ADAM32: variants seen among roughly 807,000 people sequenced by gnomAD.
ADAM32 encodes ADAM metallopeptidase domain 32.
In ADAM32, 89 loss-of-function variants were observed where a neutral mutation model predicts 114.9. The observed-to-expected ratio is 0.77, with a 90% CI of 0.65 to 0.92. The LOEUF is 0.92. Ranked by LOEUF, ADAM32 falls within the 40% of genes least tolerant of loss-of-function variation. ADAM32 has a pLI of 0.00. For synonymous variants in ADAM32, 285 were observed against 307.5 expected, an observed-to-expected ratio of 0.93 and a Z score of 0.77; for missense variants, 870 against 932.8, an observed-to-expected ratio of 0.93 and a Z score of 0.88.
chr8:39,147,170 C>A lies in ADAM32; in HGVS notation c.241C>A (p.Gln81Lys). The change falls in exon 4 of 25, where the codon CAA becomes AAA. Residue 81 changes from glutamine to lysine, a missense_variant. Gln to Lys is a moderately conservative substitution (Grantham distance 53). Transcript: ENST00000379907. ...ADNFMIYLYN[Q>K]GSMNTYSSDI... ...TAATTTTATGATCTATTTGTACAAT[C>A]AAGGATCTATGAATACTTATTCTTC... is the stretch of plus-strand genomic sequence containing the variant. The A allele has an allele frequency of 2.0e-6, 2 of 1,013,112 alleles. No homozygotes were observed. The highest frequency in any genetic ancestry group is 2.5e-5 in the South Asian group (1 of 39,632). 62.8% of individuals were successfully genotyped at this position (1,013,112 alleles called of 1,614,324 possible). A position where few individuals can be genotyped will look rare whatever the true frequency, so the allele number is the denominator to read the frequency against.
intron 14 of ADAM32, among the ~76,000 whole-genome samples, chr8:39,225,774 ACC>A (rs1809320745): frequency 7.4e-6 from 1 of 135,208 alleles, no homozygotes; most frequent in Admixed American, 8.1e-5. Context: ...CCTTTTTCCC[ACC>A]CATGGAGTAA....
At chr8:39,132,020 A>G (rs1461528638) in intron 2 of ADAM32, 4 of 292,044 alleles carry the variant, frequency 1.4e-5, no homozygotes, top group Non-Finnish European at 2.9e-5. Context: ...CAGCATCCTG[A>G]GTAGTTGGGA....
intron 17 of ADAM32, among the ~76,000 whole-genome samples, chr8:39,252,376 A>G (rs911747324): frequency 6.6e-6 from 1 of 151,574 alleles, no homozygotes; most frequent in South Asian, 2.1e-4. Flanking sequence ...ACAAATCAAA[A>G]CGGAAATTAG....
At chr8:39,204,323 G>T (rs1388371239) in intron 11 of ADAM32, among the ~76,000 whole-genome samples, 3 of 152,170 alleles carry the variant, frequency 2.0e-5, no homozygotes, top group Non-Finnish European at 4.4e-5. Context: ...TGGAGACTTT[G>T]TTCATTTCTT....
intron 10 of ADAM32, among the ~76,000 whole-genome samples, chr8:39,174,283 T>A (rs1222948494): frequency 6.6e-6 from 1 of 152,178 alleles, no homozygotes; most frequent in African/African-American, 2.4e-5. Flanking sequence ...AGGTGTGTGG[T>A]CTTATTTCTG....
chr8:39,158,154 G>A (rs544640947), intron 6 of ADAM32: 48 of 186,874 alleles, frequency 2.6e-4, no homozygotes, highest in Admixed American at 1.8e-4. Context: ...CCAGTTTCTC[G>A]GTCACAGTGC....
chr8:39,276,771 T>A (rs1248746357), intron 22 of ADAM32, among the ~76,000 whole-genome samples: 1 of 152,200 alleles, frequency 6.6e-6, no homozygotes, highest in Non-Finnish European at 1.5e-5. Context: ...ATTTTTATTA[T>A]CATGTCTGTT....
chr8:39,270,444 G>C (rs1333839504), intron 19 of ADAM32, among the ~76,000 whole-genome samples: 2 of 152,142 alleles, frequency 1.3e-5, no homozygotes, highest in African/African-American at 2.4e-5. Flanking sequence ...TTCACTTATA[G>C]CATCTCTGCA....
intron 1 of ADAM32, among the ~76,000 whole-genome samples, chr8:39,115,601 T>G (rs1840342542): frequency 6.6e-6 from 1 of 151,898 alleles, no homozygotes; most frequent in Non-Finnish European, 1.5e-5. Context: ...TTTTTTTTTT[T>G]GCTTGTTGAA....
At chr8:39,160,819 T>C in intron 6 of ADAM32, 78 bp from the exon 7 acceptor site, 1 of 1,201,984 alleles carries the variant, frequency 8.3e-7, no homozygotes, top group Non-Finnish European at 1.2e-6. Flanking sequence ...AGTGCTGTGG[T>C]ATTAGCTTTA....
At chr8:39,266,920 A>G (rs1272825017) in intron 19 of ADAM32, among the ~76,000 whole-genome samples, 3 of 152,214 alleles carry the variant, frequency 2.0e-5, no homozygotes, top group Admixed American at 1.3e-4. Context: ...CAGGGGGCCA[A>G]GGCTCAAATT....
At chr8:39,155,708 C>T (rs1325100179) in intron 6 of ADAM32, among the ~76,000 whole-genome samples, 1 of 152,164 alleles carries the variant, frequency 6.6e-6, no homozygotes, top group Non-Finnish European at 1.5e-5. Flanking sequence ...CTTAATTTGA[C>T]ATTTGCTAAT....
chr8:39,249,052 T>C (rs1206238008), intron 17 of ADAM32, among the ~76,000 whole-genome samples: 2 of 151,772 alleles, frequency 1.3e-5, no homozygotes, highest in Admixed American at 6.6e-5. Context: ...ACAGGGGTCC[T>C]GCCACCATGC....
intron 11 of ADAM32, among the ~76,000 whole-genome samples, chr8:39,204,727 T>C (rs1807702802): frequency 6.6e-6 from 1 of 152,226 alleles, no homozygotes; most frequent in South Asian, 2.1e-4. Flanking sequence ...TTTTCAGCTT[T>C]TCTGCTCTGT....
intron 14 of ADAM32, among the ~76,000 whole-genome samples, chr8:39,230,668 T>A (rs1263086887): frequency 2.6e-5 from 4 of 151,972 alleles, no homozygotes; most frequent in Non-Finnish European, 5.9e-5. Context: ...TACAATCTCC[T>A]GTGATGGGCC....
chr8:39,186,990 G>A lies in ADAM32; in HGVS notation c.997G>A (p.Asp333Asn). 2 of 1,613,096 alleles carry A rather than the reference G, an allele frequency of 1.2e-6. No homozygotes were observed. Among genetic ancestry groups the A allele is most frequent in the Non-Finnish European group, 1.7e-6 (2 of 1,179,382 alleles). The change falls in exon 11 of 25, where the codon GAC becomes AAC. Residue 333 changes from aspartate (D) to asparagine (N), a missense_variant. Asp to Asn is a conservative substitution (Grantham distance 23). Transcript: ENST00000379907. The stretch of plus-strand genomic sequence containing the variant: ...ACTCAGTCTGGGAATATCATATGAC[G>A]ACCCAAAGAAATGTCAATGTTCAGA... The part of the protein sequence containing the change: ...LALSLGISYD[D>N]PKKCQCSEST...
At chr8:39,182,165 A>G (rs763234657) in intron 10 of ADAM32, among the ~76,000 whole-genome samples, 1 of 152,224 alleles carries the variant, frequency 6.6e-6, no homozygotes, top group South Asian at 2.1e-4. Context: ...GGCATACACT[A>G]AATTTTTTAC....
At chr8:39,278,968 T>C (rs1813260735) in intron 22 of ADAM32, among the ~76,000 whole-genome samples, 1 of 152,238 alleles carries the variant, frequency 6.6e-6, no homozygotes, top group African/African-American at 2.4e-5. Context: ...TGTACTGTCA[T>C]TGATGAGACC....
chr8:39,283,535 T>C (rs552262265), intron 23 of ADAM32, 51 bp from the exon 24 acceptor site: 7 of 1,375,182 alleles, frequency 5.1e-6, no homozygotes, highest in Non-Finnish European at 7.0e-6. Context: ...AACATAAGTT[T>C]GACAGGTTGT....
Sources: allele counts gnomAD v4.1 joint callset (sites outside exome capture counted in the v4.1 genomes callset), GRCh38; gene constraint gnomAD v4.1.1; transcripts MANE v1.5; gene names NCBI Gene and HGNC (gene_info 2026-07-23, HGNC 2026-07-21).